The following FGD4 variants were observed in gnomAD, a reference collection of about 807,000 sequenced individuals.
FGD4 encodes the protein FYVE, RhoGEF and PH domain-containing protein 4.
A neutral mutation model predicts 102.0 loss-of-function variants in FGD4; 42 were observed. The observed-to-expected ratio is 0.41, with a 90% CI of 0.32 to 0.53. FGD4 has a LOEUF of 0.53. Among genes scored for constraint, FGD4 ranks in the 20% least tolerant of loss-of-function variants. The probability of loss-of-function intolerance (pLI) is 0.21; values close to 1 mark genes in which losing one functional copy is unlikely to be tolerated. For missense variants in FGD4, 902 were observed against 1,078.2 expected (o/e 0.84, Z 2.29); for synonymous variants, 380 against 375.7 (o/e 1.01, Z -0.13).
At chr12:32,486,129 C>A in intron 1 of FGD4, 2 of 1,529,214 alleles carry the variant, frequency 1.3e-6, no homozygotes, top group Non-Finnish European at 1.7e-6. Flanking sequence ...TGAAAAGAAT[C>A]TTTTATGGGG....
intron 1 of FGD4, among the ~76,000 whole-genome samples, chr12:32,459,453 A>G (rs938707199): frequency 3.9e-5 from 6 of 151,914 alleles, no homozygotes; most frequent in African/African-American, 1.5e-4. Context: ...TTGACCTCCC[A>G]AAGCGCTGGG....
At chr12:32,607,356 A>G (rs1310459311) in intron 7 of FGD4, among the ~76,000 whole-genome samples, 1 of 152,180 alleles carries the variant, frequency 6.6e-6, no homozygotes, top group African/African-American at 2.4e-5. Context: ...ACTTGGGCCC[A>G]GGAGGCAGAG....
intron 1 of FGD4, among the ~76,000 whole-genome samples, chr12:32,417,246 G>C (rs1197786720): frequency 6.6e-6 from 1 of 152,078 alleles, no homozygotes; most frequent in Non-Finnish European, 1.5e-5. Flanking sequence ...TTGTAGGACA[G>C]GTCTGGTGTT....
chr12:32,603,196 A>G (rs1948538327), intron 7 of FGD4, among the ~76,000 whole-genome samples: 1 of 152,198 alleles, frequency 6.6e-6, no homozygotes, highest in Admixed American at 6.5e-5. Flanking sequence ...AAAAAAATGT[A>G]TCTATAAGTC....
chr12:32,597,349 G>A (rs2136592846), intron 4 of FGD4, among the ~76,000 whole-genome samples: 1 of 152,284 alleles, frequency 6.6e-6, no homozygotes, highest in African/African-American at 2.4e-5. Flanking sequence ...TCATAAGTAG[G>A]ACTTGGTAGC....
At chr12:32,622,836 A>G (rs1412419647) in intron 11 of FGD4, among the ~76,000 whole-genome samples, 2 of 152,048 alleles carry the variant, frequency 1.3e-5, no homozygotes, top group Non-Finnish European at 2.9e-5. Flanking sequence ...CAGGTGATCC[A>G]CCCACCTCGG....
intron 1 of FGD4, among the ~76,000 whole-genome samples, chr12:32,528,546 C>G (rs1362188661): frequency 6.6e-6 from 1 of 152,150 alleles, no homozygotes; most frequent in South Asian, 2.1e-4. Context: ...CGCACCACCA[C>G]GCCTGGCTAA....
chr12:32,410,259 TG>T (rs1436754701), intron 1 of FGD4, among the ~76,000 whole-genome samples: 2 of 149,518 alleles, frequency 1.3e-5, no homozygotes, highest in Non-Finnish European at 3.0e-5. Flanking sequence ...ACCTGGGAGG[TG>T]GAGCTTGCAG....
rs965141546 is a variant in FGD4 at position 32,506,794 on chromosome 12, T to C, written c.167-57343T>C. On this transcript the variant is annotated intron_variant, in intron 1 of 16. Transcript: ENST00000534526. The surrounding 1 kb of genome is among the most constrained non-coding windows in gnomAD (Gnocchi z 4.5). Reference sequence around the variant, plus strand: ...CAATGGGCAAGATGTTAGTGAAATTTACCTAGTAGTGGGAAGAGACAGAAT... The same window carrying C: ...CAATGGGCAAGATGTTAGTGAAATTCACCTAGTAGTGGGAAGAGACAGAAT... Among the ~76,000 whole-genome samples, 1 of 152,214 alleles carries C rather than the reference T, an allele frequency of 6.6e-6. No homozygotes were observed. The highest frequency in any genetic ancestry group is 1.5e-5 in the Non-Finnish European group (1 of 68,036).
In FGD4 at chr12:32,534,285, G is replaced by A. The variant is rs75771753; in HGVS notation, c.167-29852G>A. On this transcript the variant is annotated intron_variant, in intron 1 of 16. Transcript: ENST00000534526. ...GGTGTGGCATGTTTTGCATAAGGTC[G>A]TCCTTGGGCAGTAAGTTCGAAGAAT... 1.5e-3 allele frequency: 1,908 copies of A among 1,308,652 alleles called. 40 individuals are homozygous for A. The East Asian group carries it at 0.043, about 29-fold the overall frequency. 81.1% of individuals were successfully genotyped at this position (1,308,652 alleles called of 1,614,324 possible).
intron 1 of FGD4, among the ~76,000 whole-genome samples, chr12:32,550,670 C>CAAAAAAAAAAAAAA (rs71447606): frequency 2.2e-5 from 2 of 89,238 alleles, no homozygotes; most frequent in Non-Finnish European, 2.2e-5. Context: ...GACACTGTCT[C>CAAAAAAAAAAAAAA]AAAAAAAAAA....
rs1264952967 is a variant in FGD4 at position 32,641,385 on chromosome 12, A to G, written c.*852A>G. The G allele has an allele frequency of 6.6e-6, 1 of 152,158 alleles. No homozygotes were observed. 9.4% of individuals were successfully genotyped at this position (152,158 alleles called of 1,614,324 possible). A position where few individuals can be genotyped will look rare whatever the true frequency, so the allele number is the denominator to read the frequency against. On this transcript the variant is annotated 3_prime_UTR_variant, in exon 17 of 17. Transcript: ENST00000534526. Reference sequence around the variant, plus strand: ...ATTCCAACAGTACTTTTAAAGTACCATTTTTTGTTTCTGTGCCTATTTAAA... The same window carrying G: ...ATTCCAACAGTACTTTTAAAGTACCGTTTTTTGTTTCTGTGCCTATTTAAA...
intron 1 of FGD4, among the ~76,000 whole-genome samples, chr12:32,533,261 G>A (rs928239807): frequency 6.6e-6 from 1 of 152,098 alleles, no homozygotes; most frequent in Admixed American, 6.6e-5. Context: ...TGTATGTCTT[G>A]ATAACCCAGT....
intron 4 of FGD4, 63 bp downstream of exon 4, chr12:32,582,530 C>T: frequency 1.3e-6 from 2 of 1,591,964 alleles, no homozygotes; most frequent in Non-Finnish European, 1.7e-6. Flanking sequence ...TGTCTTAAAA[C>T]TCTTTATTTA....
chr12:32,406,344 A>G (rs1213393896), intron 1 of FGD4, among the ~76,000 whole-genome samples: 2 of 151,564 alleles, frequency 1.3e-5, no homozygotes, highest in South Asian at 2.1e-4. Context: ...ACTTGAGGTC[A>G]GGAGTTTGAG....
intron 1 of FGD4, among the ~76,000 whole-genome samples, chr12:32,538,059 G>C (rs1435593501): frequency 1.3e-5 from 2 of 152,070 alleles, no homozygotes; most frequent in Non-Finnish European, 2.9e-5. Context: ...ACCATGCCTG[G>C]CTACTTTTTA....
At chr12:32,496,655 A>C (rs755620094) in intron 1 of FGD4, among the ~76,000 whole-genome samples, 47 of 152,236 alleles carry the variant, frequency 3.1e-4, no homozygotes, top group African/African-American at 2.4e-5. Flanking sequence ...TTAATACATA[A>C]ACATAAATAT....
chr12:32,531,189 TC>T (rs1941783014), intron 1 of FGD4, among the ~76,000 whole-genome samples: 1 of 151,940 alleles, frequency 6.6e-6, no homozygotes, highest in African/African-American at 2.4e-5. Context: ...GACCTCATGA[TC>T]CGCCCGCCTC....
chr12:32,576,970 A>G (rs1221612482), intron 3 of FGD4, among the ~76,000 whole-genome samples: 1 of 151,970 alleles, frequency 6.6e-6, no homozygotes, highest in Non-Finnish European at 1.5e-5. Flanking sequence ...CATATACTCC[A>G]TCATATGCTA....
Sources: gnomAD v4.1 joint callset for allele counts (sites outside exome capture counted in the v4.1 genomes callset) on GRCh38, gnomAD v4.1.1 for gene constraint, Gnocchi (gnomAD v3.1) non-coding constraint, MANE v1.5 for transcripts, NCBI Gene and HGNC (gene_info 2026-07-23, HGNC 2026-07-21) for gene names.